The following FRYL variants were observed in gnomAD, a reference collection of about 807,000 sequenced individuals.
FRYL encodes protein furry homolog-like.
FRYL carries 150 observed loss-of-function variants against 351.2 expected under a neutral mutation model. The observed-to-expected ratio is 0.43, with a 90% CI of 0.37 to 0.49. The LOEUF is 0.49. FRYL is among the 20% of genes least tolerant of loss of function. FRYL has a pLI of 0.00. For missense variants in FRYL, 3,036 were observed against 3,619.3 expected, an observed-to-expected ratio of 0.84 and a Z score of 4.13; for synonymous variants, 1,153 against 1,257.1, an observed-to-expected ratio of 0.92 and a Z score of 1.75.
At chr4:48,533,603 T>C (rs1728182234) in intron 49 of FRYL, among the ~76,000 whole-genome samples, 1 of 152,188 alleles carries the variant, frequency 6.6e-6, no homozygotes. Context: ...AACATATTAA[T>C]CTATTAAGGT....
At chr4:48,736,015 C>A (rs1771353473) in intron 1 of FRYL, among the ~76,000 whole-genome samples, 1 of 148,872 alleles carries the variant, frequency 6.7e-6, no homozygotes, top group African/African-American at 2.5e-5. Flanking sequence ...TACACAATAT[C>A]TGCTCTCAGA....
At chr4:48,707,008 AG>A (rs908476699) in intron 2 of FRYL, among the ~76,000 whole-genome samples, 2 of 152,190 alleles carry the variant, frequency 1.3e-5, no homozygotes, top group Non-Finnish European at 2.9e-5. Flanking sequence ...CACCCAGCTA[AG>A]CTGCACCCCA....
intron 3 of FRYL, chr4:48,681,133 T>G (rs1358002684): frequency 8.2e-7 from 1 of 1,213,334 alleles, no homozygotes; most frequent in Non-Finnish European, 1.1e-6. Context: ...CATTTTAAGG[T>G]TCTTCTACAT....
rs1743066231 is a variant in FRYL, at chr4:48,590,780, C to T, written c.1386G>A (p.Gln462=). ...RVFLVIADSL[Q]QKDGEPPMPT... is the part of the protein sequence containing the mutation. Reference sequence around the variant, plus strand: ...GCATGGGTGGTTCACCATCTTTCTGCTGCAAACTGTCTGCTATTACAAGGA... The same window carrying T: ...GCATGGGTGGTTCACCATCTTTCTGTTGCAAACTGTCTGCTATTACAAGGA... Residue 462 remains glutamine (Q), a synonymous_variant, in exon 17 of 64, where the codon CAG becomes CAA. Coordinates refer to ENST00000358350, the MANE Select transcript of FRYL (RefSeq NM_015030.2). The T allele has an allele frequency of 6.2e-7, 1 of 1,613,784 alleles. No homozygotes were observed. Among genetic ancestry groups the T allele is most frequent in the Admixed American group, 1.7e-5 (1 of 60,012 alleles).
intron 1 of FRYL, among the ~76,000 whole-genome samples, chr4:48,722,207 G>C (rs1182537794): frequency 6.6e-6 from 1 of 152,094 alleles, no homozygotes; most frequent in Non-Finnish European, 1.5e-5. Context: ...TTACTACTAA[G>C]GGTGAATTAA....
At chr4:48,773,591 C>T (rs1217775383) in intron 1 of FRYL, among the ~76,000 whole-genome samples, 2 of 152,098 alleles carry the variant, frequency 1.3e-5, no homozygotes, top group Admixed American at 6.5e-5. Flanking sequence ...AAAAAATTTC[C>T]TATTATTCTC....
intron 4 of FRYL, among the ~76,000 whole-genome samples, chr4:48,624,902 G>C (rs908344956): frequency 1.3e-5 from 2 of 152,182 alleles, no homozygotes; most frequent in Non-Finnish European, 2.9e-5. Flanking sequence ...CTGCCTGACC[G>C]ACTTGAGCTA....
chr4:48,723,940 AAATAATAAT>A (rs35636867), intron 1 of FRYL, among the ~76,000 whole-genome samples: 9 of 140,380 alleles, frequency 6.4e-5, no homozygotes, highest in East Asian at 2.1e-4. Context: ...AAAATAAATA[AAATAATAAT>A]AATAATAATA....
chr4:48,700,938 A>T (rs2056198), intron 2 of FRYL, among the ~76,000 whole-genome samples: 149,780 of 152,258 alleles, frequency 0.98, 73,708 homozygotes, highest in East Asian at 1. Flanking sequence ...AGTAATTTTT[A>T]AAAAAAACTT....
At chr4:48,608,299 T>C (rs73148216) in intron 9 of FRYL, among the ~76,000 whole-genome samples, 128 of 152,318 alleles carry the variant, frequency 8.4e-4, no homozygotes, top group African/African-American at 3.0e-3. Context: ...TTGTTTGTTA[T>C]ATGATGATTT....
At chr4:48,752,714 T>C (rs1773373852) in intron 1 of FRYL, among the ~76,000 whole-genome samples, 1 of 152,180 alleles carries the variant, frequency 6.6e-6, no homozygotes, top group Non-Finnish European at 1.5e-5. Context: ...TTATAACTGA[T>C]GAATATAGGT....
At chr4:48,660,996 C>A (rs1269929964) in intron 3 of FRYL, among the ~76,000 whole-genome samples, 6 of 151,976 alleles carry the variant, frequency 3.9e-5, no homozygotes, top group African/African-American at 1.5e-4. Flanking sequence ...AGAAAAAGGA[C>A]AATAGATAAA....
chr4:48,603,392 G>C lies in FRYL; in HGVS notation c.835-4C>G. 1.3e-6 allele frequency: 2 copies of C among 1,563,246 alleles called. No homozygotes were observed. Among genetic ancestry groups the C allele is most frequent in the Non-Finnish European group, 1.8e-6 (2 of 1,139,592 alleles). The stretch of plus-strand genomic sequence containing the variant: ...CATTCACTTCATTTTTAACAGCCTA[G>C]TAAAAAGATAATGCAAACAAAGAAA... On this transcript the variant is annotated splice_region_variant and splice_polypyrimidine_tract_variant and intron_variant, in intron 11 of 63. Transcript: ENST00000358350.
At chr4:48,762,687 A>G (rs1278454225) in intron 1 of FRYL, among the ~76,000 whole-genome samples, 2 of 152,224 alleles carry the variant, frequency 1.3e-5, no homozygotes, top group Non-Finnish European at 2.9e-5. Flanking sequence ...AAAAATGCAC[A>G]TGAACACACA....
intron 3 of FRYL, among the ~76,000 whole-genome samples, chr4:48,666,181 G>A (rs1234249059): frequency 1.3e-5 from 2 of 152,112 alleles, no homozygotes; most frequent in Non-Finnish European, 2.9e-5. Flanking sequence ...GGCCAACATG[G>A]TGAAACTCTG....
At chr4:48,512,912 T>C (rs1366932687) in intron 56 of FRYL, among the ~76,000 whole-genome samples, 1 of 152,210 alleles carries the variant, frequency 6.6e-6, no homozygotes, top group Non-Finnish European at 1.5e-5. Context: ...TTCAAGCAAC[T>C]ACCTTAAAAT....
At chr4:48,551,228 T>C (rs1463394659) in intron 37 of FRYL, among the ~76,000 whole-genome samples, 1 of 152,226 alleles carries the variant, frequency 6.6e-6, no homozygotes, top group East Asian at 1.9e-4. Context: ...ATACCATTTA[T>C]ATAGGTCTAA....
Position 48,571,570 on chromosome 4 carries a change from T to C in FRYL, c.2905-652A>G, listed in dbSNP as rs1738336220. On this transcript the variant is annotated intron_variant, in intron 26 of 63. Coordinates refer to ENST00000358350, the MANE Select transcript of FRYL (RefSeq NM_015030.2). Reference sequence around the variant, plus strand: ...TATTTCATTTGTGATGTAATTTTCATATTACAGAGCAAATTAAAACCATAT... The same window carrying C: ...TATTTCATTTGTGATGTAATTTTCACATTACAGAGCAAATTAAAACCATAT... 26 of 754,054 alleles carry C rather than the reference T, an allele frequency of 3.4e-5. No individual in the cohort carries two copies. The South Asian group carries it at 1.3e-3, about 39-fold the overall frequency. The allele number at this position is 754,054 out of a possible 1,614,324, so 46.7% of individuals were successfully genotyped here. A position where few individuals can be genotyped will look rare whatever the true frequency, so the allele number is the denominator to read the frequency against.
intron 34 of FRYL, 125 bp from the exon 35 acceptor site, chr4:48,557,243 A>G: frequency 8.0e-7 from 1 of 1,255,362 alleles, no homozygotes; most frequent in Admixed American, 2.6e-5. Context: ...CACACTTTAC[A>G]GAAACAATAA....
Sources: allele counts gnomAD v4.1 joint callset (sites outside exome capture counted in the v4.1 genomes callset), GRCh38; gene constraint gnomAD v4.1.1; transcripts MANE v1.5; gene names NCBI Gene and HGNC (gene_info 2026-07-23, HGNC 2026-07-21).